SLC10A7: variants seen among roughly 807,000 people sequenced by gnomAD.
SLC10A7 encodes solute carrier family 10 member 7, also known as sodium/bile acid cotransporter 7.
Under a neutral mutation model 43.2 loss-of-function variants are expected in SLC10A7, and 29 were observed. The ratio of observed to expected loss-of-function variants is 0.67; its 90% confidence interval spans 0.50 to 0.92. SLC10A7 has a LOEUF of 0.92. Ranked by LOEUF, SLC10A7 falls within the 40% of genes least tolerant of loss-of-function variation. The pLI, the probability that SLC10A7 is intolerant of heterozygous loss-of-function variation, is 0.00. For missense variants in SLC10A7, 295 were observed against 403.2 expected, an observed-to-expected ratio of 0.73 and a Z score of 2.30; for synonymous variants, 152 against 144.8, an observed-to-expected ratio of 1.05 and a Z score of -0.35.
At position 146,356,374 on chromosome 4, in the gene SLC10A7, C is replaced by G. The variant is rs550252551; in HGVS notation, c.436-30378G>C. 3.5e-4 allele frequency among the ~76,000 whole-genome samples: 53 copies of G among 152,116 alleles called. No homozygotes were observed. In the South Asian group the frequency reaches 9.3e-3, roughly 27 times the overall value. ...TGTTCCAAAAGGTAAATAACTTGTC[C>G]AAGGGTCATATGACTACTGAGAGAT... On this transcript the variant is annotated intron_variant, in intron 5 of 11. Coordinates refer to ENST00000335472, the MANE Select transcript of SLC10A7 (RefSeq NM_001029998.6).
chr4:146,520,248 A>T (rs1384019967), intron 1 of SLC10A7, among the ~76,000 whole-genome samples: 2 of 132,400 alleles, frequency 1.5e-5, no homozygotes, highest in African/African-American at 5.9e-5. Context: ...TCTAAGTCTT[A>T]CTATTCATTT....
intron 5 of SLC10A7, among the ~76,000 whole-genome samples, chr4:146,383,643 C>A (rs757040777): frequency 1.3e-5 from 2 of 152,066 alleles, no homozygotes; most frequent in Non-Finnish European, 2.9e-5. Context: ...TTGTCCAATT[C>A]TTTGTTCAAA....
Position 146,442,840 on chromosome 4 carries a change from G to A in SLC10A7, c.397-19C>T. The A allele has an allele frequency of 2.0e-6, 3 of 1,516,514 alleles. No individual in the cohort carries two copies. Among genetic ancestry groups the A allele is most frequent in the Non-Finnish European group, 2.7e-6 (3 of 1,115,784 alleles). 93.9% of individuals were successfully genotyped at this position (1,516,514 alleles called of 1,614,324 possible). Reference sequence around the variant, plus strand: ...CAGCTGCCTATGAAGAAAATAAATAGGGGAAAAAAACTCATTGAAAGTAAA... The same window carrying A: ...CAGCTGCCTATGAAGAAAATAAATAAGGGAAAAAAACTCATTGAAAGTAAA... On this transcript the variant is annotated intron_variant, in intron 4 of 11. Transcript: ENST00000335472.
chr4:146,441,058 A>C (rs1730559403), intron 5 of SLC10A7, among the ~76,000 whole-genome samples: 1 of 152,190 alleles, frequency 6.6e-6, no homozygotes, highest in Admixed American at 6.5e-5. Context: ...TCCACAACCT[A>C]GTGGGACCCA....
intron 5 of SLC10A7, among the ~76,000 whole-genome samples, chr4:146,345,309 T>C (rs376209549): frequency 2.0e-5 from 3 of 152,134 alleles, no homozygotes; most frequent in African/African-American, 7.2e-5. Flanking sequence ...CTCTACCTTC[T>C]CTTACCTCTT....
Position 146,515,932 on chromosome 4 carries a change from A to C in SLC10A7, c.183+1106T>G, listed in dbSNP as rs1316589244. On this transcript the variant is annotated intron_variant, in intron 2 of 11. Coordinates refer to ENST00000335472, the MANE Select transcript of SLC10A7 (RefSeq NM_001029998.6). The stretch of plus-strand genomic sequence containing the variant: ...CTCAAAAAAAAAAAAAAAAAAAAAA[A>C]AACCCAATGAAAAGATTTATACCAA... 5.7e-5 allele frequency among the ~76,000 whole-genome samples: 7 copies of C among 122,398 alleles called. No homozygotes were observed. The East Asian group carries it at 1.5e-3, about 27-fold the overall frequency. The allele number at this position is 122,398 out of a possible 152,430, so 80.3% of individuals were successfully genotyped here.
chr4:146,520,112 C>T (rs1241664230), intron 1 of SLC10A7, among the ~76,000 whole-genome samples: 2 of 152,184 alleles, frequency 1.3e-5, no homozygotes, highest in Non-Finnish European at 2.9e-5. Context: ...CCAAACTTAG[C>T]CCCTGCAGAT....
chr4:146,314,323 G>A (rs186137943), intron 6 of SLC10A7, among the ~76,000 whole-genome samples: 1 of 152,254 alleles, frequency 6.6e-6, no homozygotes, highest in East Asian at 1.9e-4. Flanking sequence ...CTACTGAAAT[G>A]GAAACTAATT....
intron 5 of SLC10A7, among the ~76,000 whole-genome samples, chr4:146,352,583 A>C (rs1251125921): frequency 3.7e-4 from 55 of 149,438 alleles, no homozygotes; most frequent in Middle Eastern, 3.4e-3. Flanking sequence ...CAGAATATAC[A>C]TTTTTTTCAG....
At chr4:146,403,701 G>C (rs1199578618) in intron 5 of SLC10A7, among the ~76,000 whole-genome samples, 5 of 152,140 alleles carry the variant, frequency 3.3e-5, no homozygotes, top group Non-Finnish European at 2.9e-5. Context: ...CAGCAAAGCA[G>C]TTATCATTGT....
chr4:146,266,218 C>T (rs1172517438), intron 10 of SLC10A7, among the ~76,000 whole-genome samples: 1 of 152,216 alleles, frequency 6.6e-6, no homozygotes, highest in Non-Finnish European at 1.5e-5. Flanking sequence ...TGTCCTAACA[C>T]TGTTATTTGA....
At chr4:146,498,495 G>A (rs957992920) in intron 4 of SLC10A7, among the ~76,000 whole-genome samples, 3 of 152,066 alleles carry the variant, frequency 2.0e-5, no homozygotes, top group African/African-American at 7.2e-5. Context: ...ATCACCACCA[G>A]CTGGACCATG....
intron 4 of SLC10A7, among the ~76,000 whole-genome samples, chr4:146,444,451 C>T (rs1010915991): frequency 2.6e-5 from 4 of 152,028 alleles, no homozygotes; most frequent in Non-Finnish European, 5.9e-5. Flanking sequence ...ACTCAGAAGT[C>T]AAAGTAAAAT....
chr4:146,340,148 A>G (rs913515407), intron 5 of SLC10A7, among the ~76,000 whole-genome samples: 4 of 151,874 alleles, frequency 2.6e-5, no homozygotes, highest in African/African-American at 9.7e-5. Flanking sequence ...GAAGAAAAAC[A>G]TATATGTGTG....
chr4:146,282,047 A>C (rs571332429), intron 10 of SLC10A7, among the ~76,000 whole-genome samples: 2 of 152,324 alleles, frequency 1.3e-5, no homozygotes, highest in Non-Finnish European at 2.9e-5. Flanking sequence ...ACAGATGAAA[A>C]GGTTAAGGTT....
At chr4:146,391,751 C>G (rs988706199) in intron 5 of SLC10A7, among the ~76,000 whole-genome samples, 1 of 152,206 alleles carries the variant, frequency 6.6e-6, no homozygotes, top group African/African-American at 2.4e-5. Flanking sequence ...CTTGCCCTCA[C>G]AAGGTATACT....
At chr4:146,474,929 T>C (rs2149972763) in intron 4 of SLC10A7, among the ~76,000 whole-genome samples, 1 of 152,276 alleles carries the variant, frequency 6.6e-6, no homozygotes, top group East Asian at 1.9e-4. Context: ...ATTTTGATAG[T>C]ACCAGAGCAT....
intron 5 of SLC10A7, among the ~76,000 whole-genome samples, chr4:146,337,297 T>C (rs749163837): frequency 2.5e-4 from 38 of 152,048 alleles, no homozygotes; most frequent in Non-Finnish European, 5.1e-4. Context: ...AAGTAAGACC[T>C]AACAGAGCTC....
At chr4:146,294,235 T>C (rs1578809347) in intron 7 of SLC10A7, 140 bp from the exon 8 acceptor site, 1 of 575,406 alleles carries the variant, frequency 1.7e-6, no homozygotes. Flanking sequence ...TTTCAAAGCT[T>C]CCCTGCCACA....
Sources: allele counts gnomAD v4.1 joint callset (sites outside exome capture counted in the v4.1 genomes callset), GRCh38; gene constraint gnomAD v4.1.1; transcripts MANE v1.5; gene names NCBI Gene and HGNC (gene_info 2026-07-23, HGNC 2026-07-21).